Variants in HKDC1 observed in about 807,000 individuals in gnomAD.
HKDC1 encodes hexokinase domain containing 1.
HKDC1 carries 66 observed loss-of-function variants against 96.6 expected under a neutral mutation model. The observed-to-expected ratio is 0.68, with a 90% CI of 0.56 to 0.84. The LOEUF (loss-of-function observed/expected upper bound fraction) is 0.84, where lower values mean the gene tolerates loss of function less well. HKDC1 is among the 40% of genes least tolerant of loss of function. The pLI is 0.00. For synonymous variants in HKDC1, 466 were observed against 473.1 expected (o/e 0.98, Z 0.20); for missense variants, 1,211 against 1,208.1 (o/e 1.00, Z -0.04).
At chr10:69,235,532 T>C (rs7075720) in intron 4 of HKDC1, among the ~76,000 whole-genome samples, 77,170 of 152,026 alleles carry the variant, frequency 0.51, 20,717 homozygotes, top group East Asian at 0.76. Flanking sequence ...AGAAAGGTCC[T>C]AGGAGTGAGT....
At chr10:69,233,805 G>A (rs890589458) in intron 4 of HKDC1, among the ~76,000 whole-genome samples, 1 of 149,390 alleles carries the variant, frequency 6.7e-6, no homozygotes, top group Non-Finnish European at 1.5e-5. Flanking sequence ...GGCTGAGGCA[G>A]GAGAATGGCG....
In HKDC1 at chr10:69,232,997, CT is replaced by C. The variant is rs758670255; in HGVS notation, c.376-14del. 6.2e-7 allele frequency: 1 copy of C among 1,613,658 alleles called. No homozygotes were observed. The highest frequency in any genetic ancestry group is 8.5e-7 in the Non-Finnish European group (1 of 1,180,046). On this transcript the variant is annotated splice_polypyrimidine_tract_variant and intron_variant, in intron 3 of 17. Coordinates refer to ENST00000354624, the MANE Select transcript of HKDC1 (RefSeq NM_025130.4). Reference sequence around the variant, plus strand: ...ACCACACCTTAGCCCATGTACTTTGCTTTCTCTTCTCTGCAGCTGTTTGAAT... The same window carrying C: ...ACCACACCTTAGCCCATGTACTTTGCTTCTCTTCTCTGCAGCTGTTTGAAT...
At chr10:69,224,429 G>A (rs967052814) in intron 1 of HKDC1, among the ~76,000 whole-genome samples, 24 of 151,924 alleles carry the variant, frequency 1.6e-4, no homozygotes, top group Non-Finnish European at 2.4e-4. Context: ...GACTACAGGC[G>A]CCCGCCACCA....
At chr10:69,255,052 C>T (rs915929009) in intron 12 of HKDC1, among the ~76,000 whole-genome samples, 7 of 152,198 alleles carry the variant, frequency 4.6e-5, no homozygotes, top group South Asian at 2.1e-4. Flanking sequence ...GGGAGGGTGC[C>T]GTGTGCAGCT....
intron 4 of HKDC1, 37 bp downstream of exon 4, chr10:69,233,170 G>C (rs1425632787): frequency 6.2e-7 from 1 of 1,611,254 alleles, no homozygotes; most frequent in African/African-American, 1.3e-5. Flanking sequence ...CAGGAATTGG[G>C]GCTTGGGGAA....
rs936609830 is a variant in HKDC1, at chr10:69,251,097, T to C, written c.1836+445T>C. 4.8e-5 allele frequency among the ~76,000 whole-genome samples: 7 copies of C among 147,204 alleles called. 1 individual carries two copies. The highest frequency in any genetic ancestry group is 1.4e-4 in the Admixed American group (2 of 14,782). On this transcript the variant is annotated intron_variant, in intron 12 of 17. Coordinates refer to ENST00000354624, the MANE Select transcript of HKDC1 (RefSeq NM_025130.4). The stretch of plus-strand genomic sequence containing the variant: ...ACAAGAAATACATTTCTTTTTTTTT[T>C]TTTTTTTTTTTTTTGAGACAGAGTT...
Position 69,241,067 on chromosome 10 carries a change from AAAAAAAC to A in HKDC1, c.691+334_691+340del, listed in dbSNP as rs1171821600. Among the ~76,000 whole-genome samples the A allele has an allele frequency of 4.6e-5, 7 of 152,148 alleles. No homozygotes were observed. In the East Asian group the frequency reaches 1.2e-3, roughly 25 times the overall value. ...AATTTCAGGTGGTGGTTAGCGTGAT[AAAAAAAC>A]AAAAAACAAAAAACAAAGAGAGTGA... On this transcript the variant is annotated intron_variant, in intron 6 of 17. Transcript: ENST00000354624.
At chr10:69,224,724 C>A (rs967508950) in intron 1 of HKDC1, among the ~76,000 whole-genome samples, 2 of 152,204 alleles carry the variant, frequency 1.3e-5, no homozygotes, top group Non-Finnish European at 1.5e-5. Context: ...AGCTCTAAGG[C>A]CCCTCCAGCT....
Position 69,250,443 on chromosome 10 carries a change from C to T in HKDC1, c.1716+8C>T, listed in dbSNP as rs1843622746. ...CAGGGCACTGGTGAGGAGGTAAGTG[C>T]CAGGCAAGGCCTTTGGGCTCCGAGG... On this transcript the variant is annotated splice_region_variant and intron_variant, in intron 11 of 17. Coordinates refer to ENST00000354624, the MANE Select transcript of HKDC1 (RefSeq NM_025130.4). 7.4e-6 allele frequency: 12 copies of T among 1,611,972 alleles called. No homozygotes were observed. The East Asian group carries it at 2.7e-4, about 36-fold the overall frequency.
intron 6 of HKDC1, among the ~76,000 whole-genome samples, chr10:69,241,202 G>A (rs1222345396): frequency 6.6e-6 from 1 of 152,204 alleles, no homozygotes; most frequent in African/African-American, 2.4e-5. Context: ...GGAGGCCCGA[G>A]GGTAGGGAGT....
Position 69,257,055 on chromosome 10 carries a change from C to T in HKDC1, c.1856C>T (p.Thr619Ile), listed in dbSNP as rs1438073787. 6.2e-7 allele frequency: 1 copy of T among 1,614,052 alleles called. No homozygotes were observed. Among genetic ancestry groups the T allele is most frequent in the South Asian group, 1.1e-5 (1 of 91,082 alleles). ...SIDKGTLIGWTKGFKATDCEG... is the reference protein window; with the variant it reads ...SIDKGTLIGWIKGFKATDCEG... ...TTTCAGGGAACACTCATAGGGTGGA[C>T]CAAAGGTTTCAAGGCCACTGACTGT... The change falls in exon 13 of 18, where the codon ACC (threonine) becomes ATC (isoleucine). Residue 619 changes from threonine to isoleucine, a missense_variant. Coordinates refer to ENST00000354624, the MANE Select transcript of HKDC1 (RefSeq NM_025130.4).
At chr10:69,240,875 G>T in intron 6 of HKDC1, 124 bp downstream of exon 6, 1 of 646,524 alleles carries the variant, frequency 1.5e-6, no homozygotes, top group Non-Finnish European at 2.8e-6. Flanking sequence ...AGCAACATAG[G>T]GACATGAAAA....
intron 6 of HKDC1, among the ~76,000 whole-genome samples, chr10:69,242,124 G>A (rs1843464121): frequency 6.6e-6 from 1 of 152,076 alleles, no homozygotes; most frequent in Admixed American, 6.5e-5. Flanking sequence ...TTTTCTTAAT[G>A]TCCCTCAAGA....
Position 69,259,108 on chromosome 10 carries a change from T to C in HKDC1, c.2216+149T>C, listed in dbSNP as rs532555653. The C allele has an allele frequency of 1.9e-4, 120 of 634,358 alleles. 1 individual carries two copies. In the African/African-American group the frequency reaches 2.0e-3, roughly 11 times the overall value. The allele number at this position is 634,358 out of a possible 1,614,324, so 39.3% of individuals were successfully genotyped here. A position where few individuals can be genotyped will look rare whatever the true frequency, so the allele number is the denominator to read the frequency against. On this transcript the variant is annotated intron_variant, in intron 15 of 17. Coordinates refer to ENST00000354624, the MANE Select transcript of HKDC1 (RefSeq NM_025130.4). ...ATCCTATTGGAACAAAAGAAAAATA[T>C]GATGACAAGTTTGCAACAGGTAAAG...
At chr10:69,222,931 C>A in intron 1 of HKDC1, 1 of 152,344 alleles carries the variant, frequency 6.6e-6, no homozygotes, top group South Asian at 2.1e-4. Flanking sequence ...TCCCCTTCTT[C>A]GTCTCTGTGC....
rs775568155 is a variant in HKDC1 at position 69,220,513 on chromosome 10, C to A, written c.63+15C>A. Reference sequence around the variant, plus strand: ...AGATCAAGAAGGTAAGGAGGACCCACGAAGCTGAGAGATGCCCAGCTCCTT... The same window carrying A: ...AGATCAAGAAGGTAAGGAGGACCCAAGAAGCTGAGAGATGCCCAGCTCCTT... On this transcript the variant is annotated intron_variant, in intron 1 of 17. Coordinates refer to ENST00000354624, the MANE Select transcript of HKDC1 (RefSeq NM_025130.4). 34 of 1,560,896 alleles carry A rather than the reference C, an allele frequency of 2.2e-5. 1 individual carries two copies. Among genetic ancestry groups the A allele is most frequent in the Non-Finnish European group, 2.9e-5 (33 of 1,153,366 alleles).
At chr10:69,224,229 A>G (rs997098006) in intron 1 of HKDC1, among the ~76,000 whole-genome samples, 25 of 151,926 alleles carry the variant, frequency 1.6e-4, no homozygotes, top group African/African-American at 5.8e-4. Context: ...AAATAAAATA[A>G]AAGTATTGTT....
chr10:69,228,759 G>C (rs954807836), intron 2 of HKDC1, among the ~76,000 whole-genome samples: 3 of 152,078 alleles, frequency 2.0e-5, no homozygotes, highest in Non-Finnish European at 4.4e-5. Context: ...CCAGCTACTC[G>C]GGAGGCTGAG....
At chr10:69,244,947 G>T (rs553700453) in intron 7 of HKDC1, among the ~76,000 whole-genome samples, 189 of 152,198 alleles carry the variant, frequency 1.2e-3, no homozygotes, top group African/African-American at 4.3e-3. Flanking sequence ...TGTCGCCAAG[G>T]CTGGAGTGCA....
Sources: allele counts gnomAD v4.1 joint callset (sites outside exome capture counted in the v4.1 genomes callset), GRCh38; gene constraint gnomAD v4.1.1; transcripts MANE v1.5; gene names NCBI Gene and HGNC (gene_info 2026-07-23, HGNC 2026-07-21).